SNTB1: variants seen among roughly 807,000 people sequenced by gnomAD.
SNTB1 encodes the protein syntrophin beta 1.
SNTB1 carries 36 observed loss-of-function variants against 48.9 expected under a neutral mutation model. The observed-to-expected ratio is 0.74, with a 90% CI of 0.56 to 0.97. The LOEUF (loss-of-function observed/expected upper bound fraction) is 0.97, where lower values mean the gene tolerates loss of function less well. SNTB1 is among the 50% of genes least tolerant of loss of function. SNTB1 has a pLI of 0.00. For missense variants in SNTB1, 786 were observed against 703.4 expected, an observed-to-expected ratio of 1.12 and a Z score of -1.33; for synonymous variants, 299 against 294.6, an observed-to-expected ratio of 1.01 and a Z score of -0.15.
intron 2 of SNTB1, among the ~76,000 whole-genome samples, chr8:120,654,071 A>AAAAAAAAAAAAAAAAT (rs1817457552): frequency 1.4e-5 from 2 of 144,012 alleles, no homozygotes; most frequent in Admixed American, 7.1e-5. Context: ...AAAAAAAAAA[A>AAAAAAAAAAAAAAAAT]GTTGTCTTCT....
chr8:120,796,880 C>T (rs1049254527), intron 1 of SNTB1, among the ~76,000 whole-genome samples: 1 of 151,936 alleles, frequency 6.6e-6, no homozygotes, highest in Non-Finnish European at 1.5e-5. Flanking sequence ...TTTCTGTACA[C>T]CTATAAAAGA....
At chr8:120,779,949 G>A (rs1181570009) in intron 1 of SNTB1, among the ~76,000 whole-genome samples, 1 of 152,102 alleles carries the variant, frequency 6.6e-6, no homozygotes, top group Non-Finnish European at 1.5e-5. Context: ...TATCCACGTA[G>A]GGCTCTAGAT....
At chr8:120,645,256 G>A (rs1370217592) in intron 2 of SNTB1, among the ~76,000 whole-genome samples, 1 of 152,062 alleles carries the variant, frequency 6.6e-6, no homozygotes, top group Non-Finnish European at 1.5e-5. Context: ...TGTCCTGAAT[G>A]GTAATGCCTA....
chr8:120,789,741 T>C (rs1163713473), intron 1 of SNTB1, among the ~76,000 whole-genome samples: 1 of 151,766 alleles, frequency 6.6e-6, no homozygotes, highest in Non-Finnish European at 1.5e-5. Flanking sequence ...ACTCAGTAAT[T>C]TTAAAAAAGC....
chr8:120,650,611 C>G (rs1274577575), intron 2 of SNTB1, among the ~76,000 whole-genome samples: 1 of 152,120 alleles, frequency 6.6e-6, no homozygotes, highest in African/African-American at 2.4e-5. Flanking sequence ...GGTGACAACT[C>G]AAGATTCTCA....
chr8:120,602,274 T>A (rs990601590), intron 3 of SNTB1, among the ~76,000 whole-genome samples: 1 of 152,244 alleles, frequency 6.6e-6, no homozygotes, highest in African/African-American at 2.4e-5. Context: ...CTATTTTTAC[T>A]CTGTGTGATG....
chr8:120,589,621 C>T (rs1250850280), intron 3 of SNTB1, among the ~76,000 whole-genome samples: 1 of 151,880 alleles, frequency 6.6e-6, no homozygotes, highest in African/African-American at 2.4e-5. Flanking sequence ...CTGGTGAGGG[C>T]CCCCTTCCTG....
Position 120,758,850 on chromosome 8 carries a change from A to G in SNTB1, c.571+52423T>C, listed in dbSNP as rs373521763. Reference sequence around the variant, plus strand: ...TTGTGATTAATTAATAAAGAACTCCATATTGTATATTTCCTTGTTGTCTGC... The same window carrying G: ...TTGTGATTAATTAATAAAGAACTCCGTATTGTATATTTCCTTGTTGTCTGC... On this transcript the variant is annotated intron_variant, in intron 1 of 6. Transcript: ENST00000517992. Among the ~76,000 whole-genome samples, 10 of 152,298 alleles carry G rather than the reference A, an allele frequency of 6.6e-5. No individual in the cohort carries two copies. In the East Asian group the frequency reaches 1.2e-3, roughly 18 times the overall value.
chr8:120,668,005 C>G (rs961241963), intron 2 of SNTB1, among the ~76,000 whole-genome samples: 3 of 152,206 alleles, frequency 2.0e-5, no homozygotes, highest in Non-Finnish European at 2.9e-5. Flanking sequence ...GTTTTTGCCT[C>G]AACTCTGTGT....
At chr8:120,671,851 G>T (rs572413746) in intron 2 of SNTB1, among the ~76,000 whole-genome samples, 1 of 152,292 alleles carries the variant, frequency 6.6e-6, no homozygotes, top group East Asian at 1.9e-4. Context: ...CTGGATGTAG[G>T]ACTTAAAGAT....
At chr8:120,800,125 G>A (rs1820196712) in intron 1 of SNTB1, among the ~76,000 whole-genome samples, 1 of 151,914 alleles carries the variant, frequency 6.6e-6, no homozygotes, top group African/African-American at 2.4e-5. Flanking sequence ...TGGCATCCTG[G>A]CAAGTTCCTT....
At chr8:120,727,378 C>G (rs1818775292) in intron 1 of SNTB1, among the ~76,000 whole-genome samples, 1 of 152,126 alleles carries the variant, frequency 6.6e-6, no homozygotes, top group African/African-American at 2.4e-5. Context: ...ACGTTGGGGT[C>G]AGCCAGATGA....
intron 3 of SNTB1, among the ~76,000 whole-genome samples, chr8:120,595,101 G>T (rs189989790): frequency 9.9e-4 from 150 of 152,160 alleles, no homozygotes; most frequent in African/African-American, 3.5e-3. Flanking sequence ...GACTGCACAG[G>T]TTCCTGGGCT....
chr8:120,670,738 G>C (rs1817745185), intron 2 of SNTB1, among the ~76,000 whole-genome samples: 1 of 152,206 alleles, frequency 6.6e-6, no homozygotes, highest in Non-Finnish European at 1.5e-5. Flanking sequence ...GATTTCAGTG[G>C]AAAGTGCATA....
chr8:120,715,123 A>G lies in SNTB1; in HGVS notation c.572-21215T>C, dbSNP rs1156301343. Among the ~76,000 whole-genome samples the G allele has an allele frequency of 3.3e-5, 5 of 152,262 alleles. No homozygotes were observed. In the East Asian group the frequency reaches 9.7e-4, roughly 29 times the overall value. ...TGTCTTGTAACTTCCCCTTATTTTC[A>G]TTCTCCTCTACATGCACAGCTCCAT... is the stretch of plus-strand genomic sequence containing the variant. On this transcript the variant is annotated intron_variant, in intron 1 of 6. Transcript: ENST00000517992.
At chr8:120,675,221 T>A (rs1817814954) in intron 2 of SNTB1, among the ~76,000 whole-genome samples, 1 of 152,144 alleles carries the variant, frequency 6.6e-6, no homozygotes, top group African/African-American at 2.4e-5. Flanking sequence ...GGCTCTGTAT[T>A]AAGAACTATA....
chr8:120,725,265 T>C (rs956531684), intron 1 of SNTB1, among the ~76,000 whole-genome samples: 4 of 152,174 alleles, frequency 2.6e-5, no homozygotes. Context: ...TTCTTCAAAT[T>C]GTCCCCAGTC....
At chr8:120,611,315 A>T (rs1451363346) in intron 3 of SNTB1, among the ~76,000 whole-genome samples, 3 of 151,774 alleles carry the variant, frequency 2.0e-5, no homozygotes, top group African/African-American at 7.3e-5. Context: ...AGGGAGAAGA[A>T]GCAAAATCAA....
intron 1 of SNTB1, among the ~76,000 whole-genome samples, chr8:120,705,208 A>G (rs527651932): frequency 2.6e-5 from 4 of 152,204 alleles, no homozygotes; most frequent in Non-Finnish European, 5.9e-5. Flanking sequence ...CTGGGGTCCA[A>G]TTCCAAGCTC....
Sources: allele counts gnomAD v4.1 joint callset (sites outside exome capture counted in the v4.1 genomes callset), GRCh38; gene constraint gnomAD v4.1.1; transcripts MANE v1.5; gene names NCBI Gene and HGNC (gene_info 2026-07-23, HGNC 2026-07-21).